LIN52: variants seen among roughly 807,000 people sequenced by gnomAD.
LIN52 encodes protein lin-52 homolog.
Under a neutral mutation model 18.5 loss-of-function variants are expected in LIN52, and 4 were observed. The ratio of observed to expected loss-of-function variants is 0.22; its 90% CI spans 0.11 to 0.49. The LOEUF (loss-of-function observed/expected upper bound fraction) is 0.49. Ranked by LOEUF, LIN52 falls within the 20% of genes least tolerant of loss-of-function variation. LIN52 has a pLI of 0.97. For synonymous variants in LIN52, 34 were observed against 45.5 expected (o/e 0.75, Z 1.02); for missense variants, 102 against 139.5 (o/e 0.73, Z 1.35).
At chr14:74,100,882 T>C (rs749857794) in intron 4 of LIN52, among the ~76,000 whole-genome samples, 16 of 152,236 alleles carry the variant, frequency 1.1e-4, no homozygotes, top group Non-Finnish European at 2.1e-4. Flanking sequence ...TAGCTGGGAC[T>C]GAAGGCATGT....
chr14:74,136,230 A>AT (rs1243563776), intron 5 of LIN52, among the ~76,000 whole-genome samples: 1 of 152,234 alleles, frequency 6.6e-6, no homozygotes, highest in Admixed American at 6.5e-5. Flanking sequence ...AGTGCTTAAC[A>AT]TTCATTTTGA....
At chr14:74,085,485 C>T (rs1229138367) in intron 1 of LIN52, 3 of 152,626 alleles carry the variant, frequency 2.0e-5, no homozygotes, top group Non-Finnish European at 2.9e-5. Context: ...TCTCTCCTGT[C>T]TCCTCAGTTT....
chr14:74,140,188 G>A (rs2061121827), intron 5 of LIN52, among the ~76,000 whole-genome samples: 1 of 152,122 alleles, frequency 6.6e-6, no homozygotes, highest in African/African-American at 2.4e-5. Context: ...GTAAAAAGCA[G>A]CATTTTACTC....
chr14:74,173,862 G>A (rs1317598772), intron 5 of LIN52, among the ~76,000 whole-genome samples: 1 of 152,104 alleles, frequency 6.6e-6, no homozygotes, highest in Admixed American at 6.5e-5. Flanking sequence ...TTTTTATCCA[G>A]ACCATTGATT....
chr14:74,149,365 T>C (rs2061166704), intron 5 of LIN52, among the ~76,000 whole-genome samples: 1 of 152,222 alleles, frequency 6.6e-6, no homozygotes, highest in Admixed American at 6.5e-5. Flanking sequence ...TAGACTGACG[T>C]AAAGCAATTC....
intron 5 of LIN52, among the ~76,000 whole-genome samples, chr14:74,157,142 C>A (rs1191214242): frequency 4.0e-5 from 6 of 151,274 alleles, no homozygotes; most frequent in African/African-American, 1.5e-4. Context: ...AAGCAATTCT[C>A]CTGCCTCAGC....
At chr14:74,104,318 T>C (rs1464805847) in intron 5 of LIN52, among the ~76,000 whole-genome samples, 1 of 152,232 alleles carries the variant, frequency 6.6e-6, no homozygotes, top group East Asian at 1.9e-4. Flanking sequence ...AGTTGACTCA[T>C]AAATGCCTTT....
chr14:74,201,353 T>C lies in LIN52; in HGVS notation c.*2376T>C, dbSNP rs1666491911. The stretch of plus-strand genomic sequence containing the variant: ...TTTCCCCCTTAATATACTTAATGGA[T>C]AGTTGGGGGCTTTACAGTCATCTAC... On this transcript the variant is annotated 3_prime_UTR_variant, in exon 6 of 6. Coordinates refer to ENST00000555028, the MANE Select transcript of LIN52 (RefSeq NM_001024674.3). 6.6e-6 allele frequency: 1 copy of C among 152,156 alleles called. No homozygotes were observed. Among genetic ancestry groups the C allele is most frequent in the Admixed American group, 6.5e-5 (1 of 15,280 alleles). The allele number at this position is 152,156 out of a possible 1,614,324, so 9.4% of individuals were successfully genotyped here.
chr14:74,118,223 T>C (rs1239120696), intron 5 of LIN52, among the ~76,000 whole-genome samples: 1 of 152,040 alleles, frequency 6.6e-6, no homozygotes, highest in Non-Finnish European at 1.5e-5. Context: ...ATCATGCCAC[T>C]GCGTTCCAGT....
intron 5 of LIN52, among the ~76,000 whole-genome samples, chr14:74,194,489 C>T (rs959627957): frequency 3.3e-5 from 5 of 152,132 alleles, no homozygotes; most frequent in Non-Finnish European, 5.9e-5. Context: ...CTGGATAGCC[C>T]TGGAGGAACT....
intron 1 of LIN52, among the ~76,000 whole-genome samples, chr14:74,087,305 A>G (rs2060739609): frequency 6.6e-6 from 1 of 150,624 alleles, no homozygotes; most frequent in Non-Finnish European, 1.5e-5. Flanking sequence ...AGTCCCAGCT[A>G]CTCAGGAGGC....
intron 5 of LIN52, among the ~76,000 whole-genome samples, chr14:74,152,266 A>AC (rs2061179847): frequency 6.6e-6 from 1 of 151,566 alleles, no homozygotes. Context: ...CCATCTCAAA[A>AC]AAAAAAAAAA....
At chr14:74,182,016 T>C (rs957837166) in intron 5 of LIN52, among the ~76,000 whole-genome samples, 1 of 152,236 alleles carries the variant, frequency 6.6e-6, no homozygotes, top group East Asian at 1.9e-4. Flanking sequence ...TTTATTTATT[T>C]GTTTATTTTT....
intron 5 of LIN52, among the ~76,000 whole-genome samples, chr14:74,127,354 C>T (rs139416648): frequency 3.9e-5 from 6 of 152,242 alleles, no homozygotes; most frequent in African/African-American, 1.2e-4. Context: ...GTGGAGAGAA[C>T]GGAGATGAGC....
chr14:74,092,750 C>T (rs957914867), intron 2 of LIN52, among the ~76,000 whole-genome samples: 1 of 151,680 alleles, frequency 6.6e-6, no homozygotes, highest in Non-Finnish European at 1.5e-5. Flanking sequence ...AACCCTGTCT[C>T]TATCAAAAAT....
At chr14:74,107,911 A>T (rs1293969084) in intron 5 of LIN52, among the ~76,000 whole-genome samples, 2 of 152,114 alleles carry the variant, frequency 1.3e-5, no homozygotes, top group Non-Finnish European at 2.9e-5. Context: ...CCCCATTTAT[A>T]GTGTGCAATT....
rs181116159 is a variant in LIN52 at position 74,151,730 on chromosome 14, G to A, written c.284-47192G>A. Among the ~76,000 whole-genome samples, 15 of 152,262 alleles carry A rather than the reference G, an allele frequency of 9.9e-5. 1 individual carries two copies. In the South Asian group the frequency reaches 1.9e-3, roughly 19 times the overall value. ...AGAGTTATCAGCCAGTTAAAAGGACGAAACATGGCTATCGTGCAGAACAAG... is the reference window on the plus strand; with the variant it reads ...AGAGTTATCAGCCAGTTAAAAGGACAAAACATGGCTATCGTGCAGAACAAG... On this transcript the variant is annotated intron_variant, in intron 5 of 5. Transcript: ENST00000555028.
At chr14:74,161,699 C>T (rs1157636147) in intron 5 of LIN52, among the ~76,000 whole-genome samples, 2 of 152,148 alleles carry the variant, frequency 1.3e-5, no homozygotes, top group African/African-American at 2.4e-5. Context: ...AACACTCTGC[C>T]GGTGCATTGC....
At chr14:74,141,617 A>G (rs573279189) in intron 5 of LIN52, among the ~76,000 whole-genome samples, 14 of 152,278 alleles carry the variant, frequency 9.2e-5, no homozygotes, top group Non-Finnish European at 1.5e-4. Flanking sequence ...TTAAAATAGG[A>G]AATTCTGGAG....
Sources: gnomAD v4.1 joint callset for allele counts (sites outside exome capture counted in the v4.1 genomes callset) on GRCh38, gnomAD v4.1.1 for gene constraint, MANE v1.5 for transcripts, NCBI Gene and HGNC (gene_info 2026-07-23, HGNC 2026-07-21) for gene names.